The following RFX3 variants were observed in gnomAD, a reference collection of about 807,000 sequenced individuals.
RFX3 encodes the protein transcription factor RFX3.
RFX3 carries 14 observed loss-of-function variants against 98.6 expected under a neutral mutation model. The ratio of observed to expected loss-of-function variants is 0.14; its 90% CI spans 0.09 to 0.22. The LOEUF (loss-of-function observed/expected upper bound fraction) is 0.22. Ranked by LOEUF, RFX3 falls within the 10% of genes least tolerant of loss-of-function variation. The pLI is 1.00. For synonymous variants in RFX3, 383 were observed against 328.4 expected (o/e 1.17, Z -1.80); for missense variants, 639 against 926.9 (o/e 0.69, Z 4.03).
intron 1 of RFX3, among the ~76,000 whole-genome samples, chr9:3,419,147 A>AAACAAC (rs1207002367): frequency 6.6e-6 from 1 of 152,224 alleles, no homozygotes; most frequent in African/African-American, 2.4e-5. Flanking sequence ...TGGTTTAAAA[A>AAACAAC]AACAACAACA....
chr9:3,446,575 C>T lies in RFX3; in HGVS notation c.-8-50979G>A, dbSNP rs16918406. Among the ~76,000 whole-genome samples, 509 of 151,890 alleles carry T rather than the reference C, an allele frequency of 3.4e-3. 6 individuals are homozygous for T. Among genetic ancestry groups the T allele is most frequent in the African/African-American group, 0.012 (489 of 41,470 alleles). On this transcript the variant is annotated intron_variant, in intron 1 of 16. Transcript: ENST00000617270. The stretch of plus-strand genomic sequence containing the variant: ...TTTCAAGATGTAACCTTGTTTAGTG[C>T]ACTCCTTCTGCAGATAATGAGACTT...
intron 3 of RFX3, among the ~76,000 whole-genome samples, chr9:3,337,574 A>C (rs1040561695): frequency 2.0e-5 from 3 of 152,206 alleles, no homozygotes; most frequent in Non-Finnish European, 4.4e-5. Context: ...TTACAGTGGC[A>C]GTAGGGCCAG....
Position 3,270,528 on chromosome 9 carries a change from G to A in RFX3, c.1203-3C>T, listed in dbSNP as rs1824281762. ...GACTTTCTATTTCACTCAGATTGCT[G>A]GTGTGAATAAATGTAGCAAATGAAT... On this transcript the variant is annotated splice_region_variant and splice_polypyrimidine_tract_variant and intron_variant, in intron 10 of 16. Transcript: ENST00000617270. 6.2e-7 allele frequency: 1 copy of A among 1,609,132 alleles called. No homozygotes were observed. Among genetic ancestry groups the A allele is most frequent in the Admixed American group, 1.7e-5 (1 of 59,080 alleles).
At chr9:3,479,438 G>C (rs897684168) in intron 1 of RFX3, among the ~76,000 whole-genome samples, 2 of 151,962 alleles carry the variant, frequency 1.3e-5, no homozygotes, top group African/African-American at 4.8e-5. Context: ...AAAATTTTTA[G>C]ATCACTGATT....
In RFX3 at chr9:3,270,524, T is replaced by G; in HGVS notation, c.1204A>C (p.Asn402His). The change falls in exon 11 of 17, where the codon AAT becomes CAT. Residue 402 changes from asparagine to histidine, a missense_variant and splice_region_variant. By Grantham distance (68) the Asn-to-His change is moderately conservative. Transcript: ENST00000617270. ...AGTCGACTTTCTATTTCACTCAGAT[T>G]GCTGGTGTGAATAAATGTAGCAAAT... is the stretch of plus-strand genomic sequence containing the variant. ...TDGTTITESSNLSEIESRLPK... is the reference protein window; with the variant it reads ...TDGTTITESSHLSEIESRLPK... 1 of 1,610,928 alleles carries G rather than the reference T, an allele frequency of 6.2e-7. No homozygotes were observed. The highest frequency in any genetic ancestry group is 8.5e-7 in the Non-Finnish European group (1 of 1,178,880).
chr9:3,309,287 G>T (rs953006321), intron 4 of RFX3, among the ~76,000 whole-genome samples: 4 of 152,124 alleles, frequency 2.6e-5, no homozygotes, highest in Admixed American at 6.6e-5. Context: ...ACAAAGATTA[G>T]TGGAGCTCCA....
At chr9:3,348,185 T>A (rs1262342760) in intron 2 of RFX3, among the ~76,000 whole-genome samples, 1 of 152,218 alleles carries the variant, frequency 6.6e-6, no homozygotes, top group Non-Finnish European at 1.5e-5. Context: ...TCTAGACTGA[T>A]AAACAGCATC....
intron 9 of RFX3, among the ~76,000 whole-genome samples, chr9:3,274,557 G>C (rs997989213): frequency 6.6e-6 from 1 of 152,098 alleles, no homozygotes; most frequent in Non-Finnish European, 1.5e-5. Context: ...CTCAGAACGA[G>C]AGTAGGAGTA....
chr9:3,339,994 T>G (rs1172494551), intron 3 of RFX3, among the ~76,000 whole-genome samples: 1 of 152,072 alleles, frequency 6.6e-6, no homozygotes, highest in East Asian at 1.9e-4. Flanking sequence ...ACTACCTGAC[T>G]TCAAACTATA....
chr9:3,429,340 T>C (rs550229695), intron 1 of RFX3, among the ~76,000 whole-genome samples: 2 of 150,634 alleles, frequency 1.3e-5, no homozygotes, highest in East Asian at 3.9e-4. Context: ...GTTATTCTTA[T>C]GATTAACTAA....
intron 1 of RFX3, among the ~76,000 whole-genome samples, chr9:3,506,812 C>T (rs1182121892): frequency 6.6e-6 from 1 of 151,748 alleles, no homozygotes; most frequent in Non-Finnish European, 1.5e-5. Context: ...CTACATGATA[C>T]TCTATTTGAA....
At chr9:3,405,002 T>A (rs1001204039) in intron 1 of RFX3, among the ~76,000 whole-genome samples, 3 of 152,202 alleles carry the variant, frequency 2.0e-5, no homozygotes, top group African/African-American at 7.2e-5. Context: ...GGAACAATCT[T>A]TTAATCTGCA....
At chr9:3,468,700 G>C (rs1848521195) in intron 1 of RFX3, among the ~76,000 whole-genome samples, 1 of 149,094 alleles carries the variant, frequency 6.7e-6, no homozygotes, top group Admixed American at 6.8e-5. Flanking sequence ...TGTTAAGAAA[G>C]AAAAAGCTAA....
chr9:3,339,426 G>A (rs72699062), intron 3 of RFX3, among the ~76,000 whole-genome samples: 8,633 of 152,196 alleles, frequency 0.057, 355 homozygotes, highest in Non-Finnish European at 0.081. Context: ...GTTAAGTCTC[G>A]AAAGTTTTTC....
In RFX3 at chr9:3,275,554, A is replaced by T. The variant is rs1375232120; in HGVS notation, c.1032T>A (p.Gly344=). The T allele has an allele frequency of 6.2e-7, 1 of 1,612,764 alleles. No individual in the cohort carries two copies. Among genetic ancestry groups the T allele is most frequent in the African/African-American group, 1.3e-5 (1 of 74,874 alleles). The change falls in exon 9 of 17, where the codon GGT becomes GGA. Residue 344 remains glycine, a synonymous_variant. Transcript: ENST00000617270. The part of the protein sequence containing the change: ...GEVEISSLPD[G]TTFEDIKSLQ... Reference sequence around the variant, plus strand: ...GTGACTTGATATCCTCAAAGGTAGTACCATCTGGCAGAGAAGAGATTTCAA... The same window carrying T: ...GTGACTTGATATCCTCAAAGGTAGTTCCATCTGGCAGAGAAGAGATTTCAA...
intron 14 of RFX3, among the ~76,000 whole-genome samples, chr9:3,249,431 T>C (rs939063183): frequency 3.9e-5 from 6 of 152,112 alleles, no homozygotes; most frequent in African/African-American, 1.4e-4. Context: ...AAACAAAACA[T>C]TGCCTTTAGT....
intron 15 of RFX3, among the ~76,000 whole-genome samples, chr9:3,243,540 T>C (rs879687788): frequency 2.6e-5 from 4 of 152,304 alleles, no homozygotes; most frequent in Non-Finnish European, 4.4e-5. Flanking sequence ...TTAAAAGTAA[T>C]AGTTTGTATG....
At chr9:3,522,999 C>A (rs1193258898) in intron 1 of RFX3, among the ~76,000 whole-genome samples, 2 of 152,110 alleles carry the variant, frequency 1.3e-5, no homozygotes, top group East Asian at 3.8e-4. Flanking sequence ...AAAAAACTAA[C>A]CATCACTACA....
At chr9:3,250,317 T>G (rs1168600663) in intron 14 of RFX3, among the ~76,000 whole-genome samples, 1 of 151,958 alleles carries the variant, frequency 6.6e-6, no homozygotes, top group Non-Finnish European at 1.5e-5. Context: ...GTATTTAAAA[T>G]TTTCAAATTT....
Sources: gnomAD v4.1 joint callset for allele counts (sites outside exome capture counted in the v4.1 genomes callset) on GRCh38, gnomAD v4.1.1 for gene constraint, MANE v1.5 for transcripts, NCBI Gene and HGNC (gene_info 2026-07-23, HGNC 2026-07-21) for gene names.